Variants in ABLIM3 observed in about 807,000 individuals in gnomAD.
ABLIM3 encodes the protein actin-binding LIM protein 3.
Under a neutral mutation model 109.5 loss-of-function variants are expected in ABLIM3, and 61 were observed. That is an observed-to-expected ratio of 0.56 (90% confidence interval 0.45 to 0.69). ABLIM3 has a LOEUF of 0.69. Among genes scored for constraint, ABLIM3 ranks in the 30% least tolerant of loss-of-function variants. The probability of loss-of-function intolerance (pLI) is 0.00; values close to 1 mark genes in which losing one functional copy is unlikely to be tolerated. For synonymous variants in ABLIM3, 300 were observed against 324.8 expected, an observed-to-expected ratio of 0.92 and a Z score of 0.82; for missense variants, 796 against 889.5, an observed-to-expected ratio of 0.89 and a Z score of 1.34.
intron 13 of ABLIM3, among the ~76,000 whole-genome samples, chr5:149,240,251 A>G (rs981696144): frequency 6.6e-6 from 1 of 152,278 alleles, no homozygotes; most frequent in African/African-American, 2.4e-5. Context: ...GCCTTCACCC[A>G]AGGGCCACCC....
chr5:149,143,103 G>T (rs1752633601), intron 2 of ABLIM3, among the ~76,000 whole-genome samples: 1 of 152,076 alleles, frequency 6.6e-6, no homozygotes. Context: ...CGTGTTCCAT[G>T]CCTGTAATCC....
intron 2 of ABLIM3, among the ~76,000 whole-genome samples, chr5:149,157,897 A>G (rs1256345857): frequency 1.3e-5 from 2 of 152,164 alleles, no homozygotes; most frequent in Non-Finnish European, 2.9e-5. Flanking sequence ...ACTGGTTTCC[A>G]CTAGGTTTCT....
chr5:149,239,361 G>T, intron 12 of ABLIM3, 84 bp downstream of exon 12: 1 of 1,469,942 alleles, frequency 6.8e-7, no homozygotes, highest in Middle Eastern at 1.7e-4. Context: ...CCCCGAAGGT[G>T]TCTGAGCCCT....
intron 3 of ABLIM3, among the ~76,000 whole-genome samples, chr5:149,192,624 C>CA (rs1248511036): frequency 9.6e-4 from 48 of 49,744 alleles, no homozygotes; most frequent in South Asian, 2.3e-3. Flanking sequence ...GACTCCGTCT[C>CA]AAAAAAAAAA....
At chr5:149,204,888 G>A (rs965083603) in intron 5 of ABLIM3, among the ~76,000 whole-genome samples, 1 of 152,146 alleles carries the variant, frequency 6.6e-6, no homozygotes, top group Admixed American at 6.5e-5. Context: ...TTAACTCAAG[G>A]GGTTAAATTT....
chr5:149,199,825 T>A (rs1163613886), intron 4 of ABLIM3, among the ~76,000 whole-genome samples: 1 of 152,240 alleles, frequency 6.6e-6, no homozygotes, highest in African/African-American at 2.4e-5. Flanking sequence ...ACTCCCCAGC[T>A]GTGGAAACTG....
At chr5:149,196,222 A>G (rs982530309) in intron 3 of ABLIM3, among the ~76,000 whole-genome samples, 2 of 152,170 alleles carry the variant, frequency 1.3e-5, no homozygotes, top group Non-Finnish European at 1.5e-5. Context: ...CCAGTCCCCA[A>G]AGGTGAACAA....
intron 7 of ABLIM3, among the ~76,000 whole-genome samples, chr5:149,215,213 C>T (rs1759944577): frequency 6.6e-6 from 1 of 152,130 alleles, no homozygotes; most frequent in Admixed American, 6.6e-5. Context: ...TAAAGAGACA[C>T]AGAGTAGGAA....
At chr5:149,250,930 C>T (rs184800904) in intron 20 of ABLIM3, among the ~76,000 whole-genome samples, 1 of 152,166 alleles carries the variant, frequency 6.6e-6, no homozygotes, top group Non-Finnish European at 1.5e-5. Flanking sequence ...CCACAGCCCA[C>T]CCCCAACTGC....
At chr5:149,239,353 C>G (rs1422506058) in intron 12 of ABLIM3, 76 bp downstream of exon 12, 4 of 1,516,130 alleles carry the variant, frequency 2.6e-6, no homozygotes, top group African/African-American at 1.4e-5. Flanking sequence ...CCCCAGCCCC[C>G]CGAAGGTGTC....
At chr5:149,251,533 T>C in intron 21 of ABLIM3, 114 bp downstream of exon 21, 2 of 1,234,302 alleles carry the variant, frequency 1.6e-6, no homozygotes, top group Admixed American at 2.0e-5. Flanking sequence ...CACGCTGGGC[T>C]GTGTCCAACC....
At chr5:149,190,146 C>A (rs760061169) in intron 3 of ABLIM3, among the ~76,000 whole-genome samples, 1 of 151,918 alleles carries the variant, frequency 6.6e-6, no homozygotes, top group Non-Finnish European at 1.5e-5. Flanking sequence ...ATGAAATGCT[C>A]AAAACAGGCA....
chr5:149,257,922 T>C (rs369415566), intron 23 of ABLIM3, among the ~76,000 whole-genome samples: 25 of 151,312 alleles, frequency 1.7e-4, no homozygotes, highest in African/African-American at 6.1e-4. Flanking sequence ...CAACGGGGAG[T>C]GGGATAACAT....
At chr5:149,235,500 G>A (rs1762258035) in intron 10 of ABLIM3, among the ~76,000 whole-genome samples, 1 of 152,088 alleles carries the variant, frequency 6.6e-6, no homozygotes, top group African/African-American at 2.4e-5. Context: ...TGATCAATTG[G>A]TGTGTCCAGA....
chr5:149,248,125 C>G (rs1488757252), intron 18 of ABLIM3, among the ~76,000 whole-genome samples, 196 bp downstream of exon 18: 2 of 152,230 alleles, frequency 1.3e-5, no homozygotes, highest in Non-Finnish European at 2.9e-5. Flanking sequence ...CTTACTTCAT[C>G]AGCTTCCTTG....
chr5:149,176,121 G>A (rs1158737480), intron 2 of ABLIM3, among the ~76,000 whole-genome samples: 2 of 152,130 alleles, frequency 1.3e-5, no homozygotes, highest in African/African-American at 4.8e-5. Flanking sequence ...CCACCCTGCT[G>A]CAGCTGCCAA....
intron 3 of ABLIM3, among the ~76,000 whole-genome samples, chr5:149,188,411 A>G (rs993986901): frequency 6.6e-6 from 1 of 152,272 alleles, no homozygotes; most frequent in Non-Finnish European, 1.5e-5. Context: ...CACTGGCAAT[A>G]GCATCAAAGG....
intron 6 of ABLIM3, among the ~76,000 whole-genome samples, chr5:149,210,034 C>T (rs1051821175): frequency 6.6e-6 from 1 of 152,202 alleles, no homozygotes; most frequent in African/African-American, 2.4e-5. Context: ...GAGCCCGAAG[C>T]AAAGCTAAGC....
At chr5:149,163,553 T>C (rs1425726337) in intron 2 of ABLIM3, among the ~76,000 whole-genome samples, 1 of 152,102 alleles carries the variant, frequency 6.6e-6, no homozygotes, top group Non-Finnish European at 1.5e-5. Flanking sequence ...GGCACATAGG[T>C]GGGCATCTTC....
Sources: allele counts gnomAD v4.1 joint callset (sites outside exome capture counted in the v4.1 genomes callset), GRCh38; gene constraint gnomAD v4.1.1; transcripts MANE v1.5; gene names NCBI Gene and HGNC (gene_info 2026-07-23, HGNC 2026-07-21).